TTN: variants seen among roughly 807,000 people sequenced by gnomAD.
The protein encoded by TTN is connectin.
Under a neutral mutation model 3,223.0 loss-of-function variants are expected in TTN, and 1,525 were observed. The observed-to-expected ratio is 0.47, with a 90% confidence interval of 0.45 to 0.49. The LOEUF (loss-of-function observed/expected upper bound fraction) is 0.49, where lower values mean the gene tolerates loss of function less well. Ranked by LOEUF, TTN falls within the 20% of genes least tolerant of loss-of-function variation. The probability of loss-of-function intolerance (pLI) is 0.00; values close to 1 mark genes in which losing one functional copy is unlikely to be tolerated. For missense variants in TTN, 40,786 were observed against 43,424.0 expected, an observed-to-expected ratio of 0.94 and a Z score of 5.40; for synonymous variants, 14,094 against 15,161.0, an observed-to-expected ratio of 0.93 and a Z score of 5.17.
intron 142 of TTN, 46 bp from the exon 143 acceptor site, chr2:178,678,876 G>C (rs1427248023): frequency 6.6e-7 from 1 of 1,512,168 alleles, no homozygotes; most frequent in Non-Finnish European, 8.9e-7. Flanking sequence ...TTTACCCATA[G>C]CTAAGATTTT....
Position 178,545,560 on chromosome 2 carries a change from C to T in TTN, c.95550G>A (p.Lys31850=), listed in dbSNP as rs775609788. ...TGTTGACACGTGTCCAGCGCAGGCT[C>T]TTCTTCTCACGTTTGTCTACTAGGT... The part of the protein sequence containing the change: ...SNYLVDKREK[K]SLRWTRVNKD... The change falls in exon 344 of 363, where the codon AAG becomes AAA. Residue 31850 remains lysine (K), a synonymous_variant. Coordinates refer to ENST00000589042, the MANE Select transcript of TTN (RefSeq NM_001267550.2). The T allele has an allele frequency of 2.5e-5, 40 of 1,613,530 alleles. No individual in the cohort carries two copies. Among genetic ancestry groups the T allele is most frequent in the Admixed American group, 1.5e-4 (9 of 60,000 alleles).
intron 47 of TTN, chr2:178,750,373 C>A (rs776941377): frequency 6.2e-7 from 1 of 1,613,060 alleles, no homozygotes; most frequent in Admixed American, 1.7e-5. Flanking sequence ...AACCTTCATT[C>A]TGATGATGAA....
At chr2:178,786,168 A>G (rs1024616927) in intron 13 of TTN, 27 bp from the exon 14 acceptor site, 1 of 1,611,624 alleles carries the variant, frequency 6.2e-7, no homozygotes, top group Non-Finnish European at 8.5e-7. Context: ...CAGAATTAAT[A>G]CATAGGAATA....
chr2:178,601,999 T>C lies in TTN; in HGVS notation c.55269+3A>G, dbSNP rs72646820. On this transcript the variant is annotated splice_donor_region_variant and intron_variant, in intron 284 of 362. Coordinates refer to ENST00000589042, the MANE Select transcript of TTN (RefSeq NM_001267550.2). ...AAAAAGAGGAGAATGGTTATTTTCC[T>C]ACCTTCATTGCTTTCTTTGCCTTTC... 6.2e-7 allele frequency: 1 copy of C among 1,612,828 alleles called. No individual in the cohort carries two copies. Among genetic ancestry groups the C allele is most frequent in the Non-Finnish European group, 8.5e-7 (1 of 1,179,208 alleles).
chr2:178,740,665 A>T lies in TTN; in HGVS notation c.12568T>A (p.Ser4190Thr). The T allele has an allele frequency of 1.2e-6, 2 of 1,613,786 alleles. No individual in the cohort carries two copies. Among genetic ancestry groups the T allele is most frequent in the Non-Finnish European group, 1.7e-6 (2 of 1,179,796 alleles). ...GTTAATGAATTAATTTGTTCTATGG[A>T]CATGGCACTTGGGAAGATTTTCTCG... ...DTEKIFPSAM[S>T]IEQINSLTVE... The change falls in exon 48 of 363, where the codon TCC becomes ACC. Residue 4190 changes from serine to threonine, a missense_variant. By Grantham distance (58) the Ser-to-Thr change is moderately conservative. Transcript: ENST00000589042.
Position 178,713,299 on chromosome 2 carries a change from C to T in TTN, c.26835G>A (p.Met8945Ile), listed in dbSNP as rs778950787. The change falls in exon 93 of 363, where the codon ATG becomes ATA. Residue 8945 changes from methionine (M) to isoleucine (I), a missense_variant. Coordinates refer to ENST00000589042, the MANE Select transcript of TTN (RefSeq NM_001267550.2). ...TNGLSGSSVV[M>I]ECKVYGSPPI... ...GAGGTGACCCATAGACTTTACACTC[C>T]ATTACAACTGAGGAGCCGGATAGAC... 1 of 1,599,746 alleles carries T rather than the reference C, an allele frequency of 6.3e-7. No individual in the cohort carries two copies. Among genetic ancestry groups the T allele is most frequent in the Non-Finnish European group, 8.5e-7 (1 of 1,172,184 alleles).
rs755958523 is a variant in TTN at position 178,542,735 on chromosome 2, A to G, written c.97119T>C (p.Asp32373=). The G allele has an allele frequency of 3.7e-6, 6 of 1,613,718 alleles. No individual in the cohort carries two copies. Among genetic ancestry groups the G allele is most frequent in the South Asian group, 2.2e-5 (2 of 91,088 alleles). The change falls in exon 348 of 363, where the codon GAT becomes GAC. Residue 32373 remains aspartate, a synonymous_variant. Transcript: ENST00000589042. ...KLTIRETTIR[D]TGEYTLELKN... ...TCAATTCAAGTGTGTATTCTCCAGTATCTCTGATAGTGGTTTCACGGATGG... is the reference window on the plus strand; with the variant it reads ...TCAATTCAAGTGTGTATTCTCCAGTGTCTCTGATAGTGGTTTCACGGATGG...
chr2:178,720,165 A>G lies in TTN; in HGVS notation c.23477T>C (p.Val7826Ala), dbSNP rs200663337. ...TTCACCTCTATCTTTCAGCCAGACAACAGAAATTGGCTGGAAGCCCTCCAC... is the reference window on the plus strand; with the variant it reads ...TTCACCTCTATCTTTCAGCCAGACAGCAGAAATTGGCTGGAAGCCCTCCAC... ...AIVEGFQPIS[V>A]VWLKDRGEVI... Residue 7826 changes from valine to alanine, a missense_variant, in exon 81 of 363, where the codon GTT (valine) becomes GCT (alanine). Val to Ala is a moderately conservative substitution (Grantham distance 64). Transcript: ENST00000589042. 7.7e-5 allele frequency: 125 copies of G among 1,613,644 alleles called. No individual in the cohort carries two copies. Among genetic ancestry groups the G allele is most frequent in the Non-Finnish European group, 8.7e-5 (103 of 1,179,746 alleles).
rs773681007 is a variant in TTN, at chr2:178,727,070, C to T, written c.20275+20G>A. The stretch of plus-strand genomic sequence containing the variant: ...AAGGTGGTTTTCATTTAATGAGAAA[C>T]ACAAGAACAAGATGTCTACCTTTTA... On this transcript the variant is annotated intron_variant, in intron 69 of 362. Transcript: ENST00000589042. The T allele has an allele frequency of 7.0e-7, 1 of 1,432,482 alleles. No homozygotes were observed. Among genetic ancestry groups the T allele is most frequent in the East Asian group, 2.5e-5 (1 of 40,548 alleles). 88.7% of individuals were successfully genotyped at this position (1,432,482 alleles called of 1,614,324 possible). A position where few individuals can be genotyped will look rare whatever the true frequency, so the allele number is the denominator to read the frequency against.
Position 178,592,008 on chromosome 2 carries a change from G to T in TTN, c.59896C>A (p.Pro19966Thr), listed in dbSNP as rs2154185337. ...QYGRGPFVET[P>T]KPIKALDPLH... ...GGATCCAAAGCCTTGATTGGTTTTGGTGTTTCAACAAAAGGACCACGTCCA... is the reference window on the plus strand; with the variant it reads ...GGATCCAAAGCCTTGATTGGTTTTGTTGTTTCAACAAAAGGACCACGTCCA... Residue 19966 changes from proline (P) to threonine (T), a missense_variant, in exon 302 of 363, where the codon CCA (proline) becomes ACA (threonine). Pro to Thr is a conservative substitution (Grantham distance 38, BLOSUM62 -1). Coordinates refer to ENST00000589042, the MANE Select transcript of TTN (RefSeq NM_001267550.2). The T allele has an allele frequency of 6.2e-7, 1 of 1,613,000 alleles. No homozygotes were observed. The highest frequency in any genetic ancestry group is 2.2e-5 in the East Asian group (1 of 44,636).
At position 178,635,239 on chromosome 2, in the gene TTN, AGCTTGCACTTTCTTTCTCATAAAT is replaced by A; in HGVS notation, c.41926_41949del (p.Ile13976_Ser13983del). On this transcript the variant is annotated inframe_deletion, in exon 228 of 363. Transcript: ENST00000589042. Reference sequence around the variant, plus strand: ...TCTGCCTCTGAGATTTCTGCATCAAAGCTTGCACTTTCTTTCTCATAAATGGTAACGTCCTCTATTGGTTTAAGC... The same window carrying A: ...TCTGCCTCTGAGATTTCTGCATCAAAGGTAACGTCCTCTATTGGTTTAAGC... The A allele has an allele frequency of 6.2e-7, 1 of 1,613,346 alleles. No individual in the cohort carries two copies. The highest frequency in any genetic ancestry group is 8.5e-7 in the Non-Finnish European group (1 of 1,179,524).
At position 178,694,839 on chromosome 2, in the gene TTN, T is replaced by A; in HGVS notation, c.31338A>T (p.Gln10446His). 1 of 1,558,068 alleles carries A rather than the reference T, an allele frequency of 6.4e-7. No homozygotes were observed. The highest frequency in any genetic ancestry group is 8.7e-7 in the Non-Finnish European group (1 of 1,149,158). ...TGTTTTAAATAATACCTTTGGTGACTTGAACTTTTTCTTCCTCCATTCTTC... is the reference window on the plus strand; with the variant it reads ...TGTTTTAAATAATACCTTTGGTGACATGAACTTTTTCTTCCTCCATTCTTC... ...TSRRMEEEKV[Q>H]VTKVPEVSKK... Residue 10446 changes from glutamine to histidine, a missense_variant, in exon 116 of 363, where the codon CAA (glutamine) becomes CAT (histidine). Physicochemically the swap from Gln to His is conservative, Grantham distance 24 (BLOSUM62 0). Transcript: ENST00000589042.
chr2:178,717,874 T>G (rs754767159), intron 86 of TTN, 64 bp from the exon 87 acceptor site: 13 of 1,573,150 alleles, frequency 8.3e-6, no homozygotes, highest in Non-Finnish European at 1.0e-5. Flanking sequence ...ATATTTCAAT[T>G]CATAAAAGTT....
chr2:178,554,385 T>G, intron 332 of TTN, 68 bp downstream of exon 332: 2 of 1,522,886 alleles, frequency 1.3e-6, no homozygotes, highest in African/African-American at 1.4e-5. Flanking sequence ...TTAAAGCATA[T>G]GCACAGGTTA....
In TTN at chr2:178,774,187, A is replaced by G. The variant is rs767431068; in HGVS notation, c.7057+20T>C. The G allele has an allele frequency of 3.1e-6, 5 of 1,614,154 alleles. 1 individual carries two copies. The South Asian group carries it at 5.5e-5, about 18-fold the overall frequency. ...CCATAATGATGCTCACTGCAGGCTG[A>G]CAGGAATGGGAGGACTTACGTTTCA... On this transcript the variant is annotated intron_variant, in intron 30 of 362. Coordinates refer to ENST00000589042, the MANE Select transcript of TTN (RefSeq NM_001267550.2).
Position 178,727,743 on chromosome 2 carries a change from A to G in TTN, c.19835T>C (p.Val6612Ala). The change falls in exon 68 of 363, where the codon GTG (valine) becomes GCG (alanine). Residue 6612 changes from valine (V) to alanine (A), a missense_variant. Transcript: ENST00000589042. ...PFKIKWFKDD[V>A]ELVSGPKCFI... ...ACATTTAGGACCTGAGACAAGTTCC[A>G]CATCATCCTTAAACCATTTTATTTT... 1 of 1,613,400 alleles carries G rather than the reference A, an allele frequency of 6.2e-7. No homozygotes were observed. Among genetic ancestry groups the G allele is most frequent in the Non-Finnish European group, 8.5e-7 (1 of 1,179,480 alleles).
rs773438970 is a variant in TTN, at chr2:178,756,368, G to A, written c.11108C>T (p.Ser3703Phe). The change falls in exon 46 of 363, where the codon TCC (serine) becomes TTC (phenylalanine). Residue 3703 changes from serine (S) to phenylalanine (F), a missense_variant. Coordinates refer to ENST00000589042, the MANE Select transcript of TTN (RefSeq NM_001267550.2). ...ATTTTGTGATTGTTTCAGTCTCTCG[G>A]ATTCCTCTATCTTTGCACCTTCGTG... ...WTHEGAKIEE[S>F]ERLKQSQNGN... is the part of the protein sequence containing the mutation. 1 of 1,613,812 alleles carries A rather than the reference G, an allele frequency of 6.2e-7. No homozygotes were observed.
At chr2:178,716,832 TAG>T (rs1329114354) in intron 88 of TTN, among the ~76,000 whole-genome samples, 3 of 152,198 alleles carry the variant, frequency 2.0e-5, no homozygotes, top group African/African-American at 7.2e-5. Flanking sequence ...TGCAATTTTG[TAG>T]AGTTTCGGTT....
At position 178,692,488 on chromosome 2, in the gene TTN, T is replaced by A. The variant is rs1172888600; in HGVS notation, c.31678+9A>T. 1 of 1,563,836 alleles carries A rather than the reference T, an allele frequency of 6.4e-7. No homozygotes were observed. Among genetic ancestry groups the A allele is most frequent in the East Asian group, 2.3e-5 (1 of 42,874 alleles). On this transcript the variant is annotated intron_variant, in intron 120 of 362. Coordinates refer to ENST00000589042, the MANE Select transcript of TTN (RefSeq NM_001267550.2). ...CTAAGAATTATTTTTTTCACAAATA[T>A]TATTCTACCTTTTGGTGCTGGGGGC...
Sources: gnomAD v4.1 joint callset for allele counts (sites outside exome capture counted in the v4.1 genomes callset) on GRCh38, gnomAD v4.1.1 for gene constraint, MANE v1.5 for transcripts, NCBI Gene and HGNC (gene_info 2026-07-23, HGNC 2026-07-21) for gene names.